The following BMPR1B variants were observed in gnomAD, a reference collection of about 807,000 sequenced individuals.
BMPR1B encodes bone morphogenetic protein receptor type-1B.
BMPR1B carries 12 observed loss-of-function variants against 59.1 expected under a neutral mutation model. The observed-to-expected ratio is 0.20, with a 90% CI of 0.13 to 0.33. The LOEUF (loss-of-function observed/expected upper bound fraction) is 0.33. BMPR1B is among the 10% of genes least tolerant of loss of function. BMPR1B has a pLI of 1.00. For synonymous variants in BMPR1B, 237 were observed against 207.3 expected (o/e 1.14, Z -1.23); for missense variants, 550 against 610.9 (o/e 0.90, Z 1.05).
intron 1 of BMPR1B, among the ~76,000 whole-genome samples, chr4:94,830,327 G>A (rs962112343): frequency 2.0e-5 from 3 of 152,020 alleles, no homozygotes; most frequent in Admixed American, 6.6e-5. Flanking sequence ...TCATATATGT[G>A]TTCACATTTA....
rs1578718154 is a variant in BMPR1B at position 94,849,791 on chromosome 4, T to C, written c.-182-26040T>C. 3.2e-5 allele frequency among the ~76,000 whole-genome samples: 4 copies of C among 124,276 alleles called. No individual in the cohort carries two copies. The East Asian group carries it at 8.9e-4, about 28-fold the overall frequency. 81.5% of individuals were successfully genotyped at this position (124,276 alleles called of 152,430 possible). Reference sequence around the variant, plus strand: ...GGCATAATAAGGTAGGAGGGGTTTTTTGGTGTGTGTGTGTGTGTGTGTGTG... The same window carrying C: ...GGCATAATAAGGTAGGAGGGGTTTTCTGGTGTGTGTGTGTGTGTGTGTGTG... On this transcript the variant is annotated intron_variant, in intron 1 of 12. Transcript: ENST00000515059.
At chr4:95,005,742 T>C (rs1351514936) in intron 3 of BMPR1B, among the ~76,000 whole-genome samples, 1 of 152,168 alleles carries the variant, frequency 6.6e-6, no homozygotes, top group Admixed American at 6.5e-5. Flanking sequence ...CAACTTTTCC[T>C]TATCTTCTGT....
chr4:94,953,803 G>T (rs1249797830), intron 2 of BMPR1B, among the ~76,000 whole-genome samples: 1 of 152,152 alleles, frequency 6.6e-6, no homozygotes, highest in Admixed American at 6.5e-5. Flanking sequence ...ATGTTGGCCT[G>T]TCTTGCTAGG....
At chr4:94,917,105 C>T (rs778065871) in intron 2 of BMPR1B, among the ~76,000 whole-genome samples, 3 of 152,224 alleles carry the variant, frequency 2.0e-5, no homozygotes, top group Non-Finnish European at 2.9e-5. Context: ...CAGCCTCTGC[C>T]TATATTTCAG....
At chr4:94,815,313 A>G (rs889213243) in intron 1 of BMPR1B, among the ~76,000 whole-genome samples, 3 of 152,228 alleles carry the variant, frequency 2.0e-5, no homozygotes, top group African/African-American at 7.2e-5. Flanking sequence ...AATGTAACCA[A>G]AATTTTTTGG....
At chr4:95,051,067 TAG>T (rs981372635) in intron 3 of BMPR1B, among the ~76,000 whole-genome samples, 2 of 152,188 alleles carry the variant, frequency 1.3e-5, no homozygotes, top group African/African-American at 4.8e-5. Flanking sequence ...CAGTATTCAT[TAG>T]AGATTTCTTT....
At chr4:95,033,209 C>G (rs1343988404) in intron 3 of BMPR1B, among the ~76,000 whole-genome samples, 1 of 152,006 alleles carries the variant, frequency 6.6e-6, no homozygotes, top group Non-Finnish European at 1.5e-5. Context: ...AAATGTATGA[C>G]TTACATATTT....
At chr4:95,043,841 A>G (rs1420534042) in intron 3 of BMPR1B, among the ~76,000 whole-genome samples, 1 of 152,050 alleles carries the variant, frequency 6.6e-6, no homozygotes, top group African/African-American at 2.4e-5. Flanking sequence ...GTATCAGAAG[A>G]TATCATCATA....
chr4:94,994,409 G>T (rs529051225), intron 2 of BMPR1B, among the ~76,000 whole-genome samples: 1 of 152,304 alleles, frequency 6.6e-6, no homozygotes, highest in African/African-American at 2.4e-5. Context: ...GGATCCAGAA[G>T]TCTGGAGTGA....
At chr4:94,760,272 A>G (rs999274627) in intron 1 of BMPR1B, among the ~76,000 whole-genome samples, 1 of 152,094 alleles carries the variant, frequency 6.6e-6, no homozygotes, top group Admixed American at 6.5e-5. Flanking sequence ...CTGTTAGATT[A>G]TTGTCCCTGA....
At chr4:94,979,057 C>A (rs1276051265) in intron 2 of BMPR1B, among the ~76,000 whole-genome samples, 1 of 151,954 alleles carries the variant, frequency 6.6e-6, no homozygotes, top group Non-Finnish European at 1.5e-5. Flanking sequence ...TGCAGAAAAT[C>A]TGTCTACTTC....
chr4:94,911,229 T>C (rs1728262661), intron 2 of BMPR1B, among the ~76,000 whole-genome samples: 1 of 152,122 alleles, frequency 6.6e-6, no homozygotes, highest in Non-Finnish European at 1.5e-5. Flanking sequence ...TCAATCTTAG[T>C]GAATCTGGAA....
intron 10 of BMPR1B, among the ~76,000 whole-genome samples, chr4:95,134,625 TGAG>T (rs1733631481): frequency 6.6e-6 from 1 of 152,238 alleles, no homozygotes; most frequent in Non-Finnish European, 1.5e-5. Context: ...CCAGTGATGA[TGAG>T]CATTTTTTCA....
At chr4:95,119,685 T>A (rs1040636420) in intron 6 of BMPR1B, among the ~76,000 whole-genome samples, 2 of 152,188 alleles carry the variant, frequency 1.3e-5, no homozygotes, top group African/African-American at 4.8e-5. Flanking sequence ...TAATAACTGC[T>A]TTAGTAGCCT....
At chr4:94,988,764 A>G (rs1721561214) in intron 2 of BMPR1B, among the ~76,000 whole-genome samples, 1 of 152,078 alleles carries the variant, frequency 6.6e-6, no homozygotes, top group African/African-American at 2.4e-5. Context: ...CAAATTATTT[A>G]TTACTTGAGA....
At chr4:94,909,242 T>A (rs1015009323) in intron 2 of BMPR1B, among the ~76,000 whole-genome samples, 1 of 152,090 alleles carries the variant, frequency 6.6e-6, no homozygotes, top group Admixed American at 6.6e-5. Flanking sequence ...GGGAATATAA[T>A]AGAGAAGACT....
At chr4:95,061,650 C>G (rs2149205534) in intron 3 of BMPR1B, among the ~76,000 whole-genome samples, 1 of 152,298 alleles carries the variant, frequency 6.6e-6, no homozygotes, top group African/African-American at 2.4e-5. Flanking sequence ...TGTTTAAAGT[C>G]TCACTATTAG....
Position 95,158,109 on chromosome 4 carries a change from T to G in BMPR1B, c.*3436T>G, listed in dbSNP as rs2149337127. ...TTTTAAACTTGAACATGTTCAGTAGTTACATTGCCTTAGAAAACCCAGACA... is the reference window on the plus strand; with the variant it reads ...TTTTAAACTTGAACATGTTCAGTAGGTACATTGCCTTAGAAAACCCAGACA... On this transcript the variant is annotated 3_prime_UTR_variant, in exon 13 of 13. Coordinates refer to ENST00000515059, the MANE Select transcript of BMPR1B (RefSeq NM_001203.3). 6.6e-6 allele frequency: 1 copy of G among 152,316 alleles called. No homozygotes were observed. The highest frequency in any genetic ancestry group is 2.1e-4 in the South Asian group (1 of 4,830). 9.4% of individuals were successfully genotyped at this position (152,316 alleles called of 1,614,324 possible). A position where few individuals can be genotyped will look rare whatever the true frequency, so the allele number is the denominator to read the frequency against.
rs1735407183 is a variant in BMPR1B at position 95,156,168 on chromosome 4, A to G, written c.*1495A>G. The stretch of plus-strand genomic sequence containing the variant: ...GAATAAAATCATCGAGAAGGCCAAT[A>G]TTGTTTAGCAACATGAATACAATAC... On this transcript the variant is annotated 3_prime_UTR_variant, in exon 13 of 13. Coordinates refer to ENST00000515059, the MANE Select transcript of BMPR1B (RefSeq NM_001203.3). 6.6e-6 allele frequency: 1 copy of G among 152,188 alleles called. No homozygotes were observed. The highest frequency in any genetic ancestry group is 2.4e-5 in the African/African-American group (1 of 41,458). The allele number at this position is 152,188 out of a possible 1,614,324, so 9.4% of individuals were successfully genotyped here. A position where few individuals can be genotyped will look rare whatever the true frequency, so the allele number is the denominator to read the frequency against.
Sources: allele counts gnomAD v4.1 joint callset (sites outside exome capture counted in the v4.1 genomes callset), GRCh38; gene constraint gnomAD v4.1.1; transcripts MANE v1.5; gene names NCBI Gene and HGNC (gene_info 2026-07-23, HGNC 2026-07-21).